WDR37: variants seen among roughly 807,000 people sequenced by gnomAD.
The protein encoded by WDR37 is WD repeat domain 37.
A neutral mutation model predicts 62.9 loss-of-function variants in WDR37; 19 were observed. That is an observed-to-expected ratio of 0.30 (90% CI 0.21 to 0.44). The LOEUF (loss-of-function observed/expected upper bound fraction) is 0.44, where lower values mean the gene tolerates loss of function less well. Among genes scored for constraint, WDR37 ranks in the 20% least tolerant of loss-of-function variants. The pLI is 1.00. For missense variants in WDR37, 474 were observed against 657.6 expected (o/e 0.72, Z 3.05); for synonymous variants, 250 against 260.9 (o/e 0.96, Z 0.40).
rs115704724 is a variant in WDR37 at position 1,084,762 on chromosome 10, T to C, written c.532+224T>C. 7.5e-3 allele frequency among the ~76,000 whole-genome samples: 1,135 copies of C among 152,290 alleles called. 20 individuals carry two copies. Among genetic ancestry groups the C allele is most frequent in the African/African-American group, 0.026 (1,070 of 41,556 alleles). Reference sequence around the variant, plus strand: ...AGGGTGTGCAGCTGCACCTTGCATTTTGTGGTCCCGTGGGTGGGTGTCCAG... The same window carrying C: ...AGGGTGTGCAGCTGCACCTTGCATTCTGTGGTCCCGTGGGTGGGTGTCCAG... On this transcript the variant is annotated intron_variant, in intron 6 of 13. Transcript: ENST00000263150.
At chr10:1,060,082 G>C (rs1833327222) in intron 1 of WDR37, among the ~76,000 whole-genome samples, 1 of 152,162 alleles carries the variant, frequency 6.6e-6, no homozygotes, top group Non-Finnish European at 1.5e-5. Flanking sequence ...CAGGTGATCC[G>C]CCTGCCTGGG....
chr10:1,106,099 C>G (rs1341715010), intron 11 of WDR37, among the ~76,000 whole-genome samples: 1 of 152,144 alleles, frequency 6.6e-6, no homozygotes, highest in Non-Finnish European at 1.5e-5. Context: ...AAGGTCTTAA[C>G]AGAACTCTTC....
At chr10:1,099,029 T>C (rs962994985) in intron 9 of WDR37, among the ~76,000 whole-genome samples, 3 of 152,244 alleles carry the variant, frequency 2.0e-5, no homozygotes, top group African/African-American at 7.2e-5. Flanking sequence ...CTAATGGCCT[T>C]TATGACATCA....
chr10:1,059,718 A>G (rs1168387597), intron 1 of WDR37, among the ~76,000 whole-genome samples: 1 of 151,778 alleles, frequency 6.6e-6, no homozygotes, highest in Non-Finnish European at 1.5e-5. Flanking sequence ...AATTGGTTGA[A>G]CCCGGGAGGT....
At chr10:1,117,760 G>A (rs899569519) in intron 11 of WDR37, among the ~76,000 whole-genome samples, 22 of 152,374 alleles carry the variant, frequency 1.4e-4, no homozygotes, top group Non-Finnish European at 4.4e-5. Context: ...GTTTGGAAAA[G>A]ATGGTGGTGA....
chr10:1,116,120 C>T (rs142274155), intron 11 of WDR37, among the ~76,000 whole-genome samples: 18 of 152,292 alleles, frequency 1.2e-4, no homozygotes, highest in Admixed American at 9.8e-4. Context: ...GCTCGTTGCA[C>T]GCACCAGGCA....
At chr10:1,063,489 T>A (rs760755211) in intron 1 of WDR37, among the ~76,000 whole-genome samples, 2 of 152,166 alleles carry the variant, frequency 1.3e-5, no homozygotes, top group Non-Finnish European at 2.9e-5. Context: ...AATCAGAGGC[T>A]GAGCAGGTAC....
At chr10:1,070,771 A>T (rs1833703895) in intron 1 of WDR37, among the ~76,000 whole-genome samples, 1 of 152,222 alleles carries the variant, frequency 6.6e-6, no homozygotes, top group African/African-American at 2.4e-5. Context: ...CTATGTGTAG[A>T]TAAACTTATT....
chr10:1,128,979 G>T (rs867905959), intron 13 of WDR37, among the ~76,000 whole-genome samples: 2 of 145,500 alleles, frequency 1.4e-5, no homozygotes, highest in Middle Eastern at 3.4e-3. Flanking sequence ...GGCAGTCCAT[G>T]ATCTGTGGCC....
chr10:1,101,042 G>A (rs780460296), intron 9 of WDR37, among the ~76,000 whole-genome samples: 1 of 152,152 alleles, frequency 6.6e-6, no homozygotes, highest in Non-Finnish European at 1.5e-5. Context: ...CCGTCTGAAC[G>A]CCTGTATTGT....
intron 1 of WDR37, among the ~76,000 whole-genome samples, chr10:1,060,019 A>G (rs1413502903): frequency 6.6e-6 from 1 of 152,068 alleles, no homozygotes; most frequent in Non-Finnish European, 1.5e-5. Context: ...TTTGTATTTT[A>G]GTAGAGACGG....
intron 11 of WDR37, among the ~76,000 whole-genome samples, chr10:1,116,656 C>A (rs937921222): frequency 6.6e-6 from 1 of 152,210 alleles, no homozygotes; most frequent in Non-Finnish European, 1.5e-5. Flanking sequence ...CCATCTGTCG[C>A]CCGTGACAGC....
intron 13 of WDR37, among the ~76,000 whole-genome samples, chr10:1,128,750 G>T (rs1176068804): frequency 6.6e-6 from 1 of 152,214 alleles, no homozygotes; most frequent in East Asian, 1.9e-4. Flanking sequence ...CGTGCTCACT[G>T]GTGTCTCGGC....
chr10:1,107,327 A>C (rs1835057641), intron 11 of WDR37, among the ~76,000 whole-genome samples: 1 of 152,172 alleles, frequency 6.6e-6, no homozygotes, highest in South Asian at 2.1e-4. Context: ...GGCCCGCATG[A>C]CTGCCCTGCT....
intron 8 of WDR37, among the ~76,000 whole-genome samples, chr10:1,094,736 A>G (rs1419467223): frequency 6.6e-6 from 1 of 152,192 alleles, no homozygotes; most frequent in Non-Finnish European, 1.5e-5. Context: ...ACATGAGGTA[A>G]TGGACATAGA....
At chr10:1,064,583 CTTTTTTTTTTTTTTTTTTT>C (rs71376884) in intron 1 of WDR37, among the ~76,000 whole-genome samples, 1 of 70,464 alleles carries the variant, frequency 1.4e-5, no homozygotes, top group African/African-American at 6.0e-5. Flanking sequence ...GACAATGGAT[CTTTTTTTTTTTTTTTTTTT>C]TTTTTTTTTT....
rs71376884 is a variant in WDR37, at chr10:1,064,583, CTTTTTTTTTTT to C, written c.-40-7513_-40-7503del. Among the ~76,000 whole-genome samples, 65 of 70,494 alleles carry C rather than the reference CTTTTTTTTTTT, an allele frequency of 9.2e-4. 1 individual carries two copies. The highest frequency in any genetic ancestry group is 0.011 in the Middle Eastern group (1 of 94). The allele number at this position is 70,494 out of a possible 152,430, so 46.2% of individuals were successfully genotyped here. On this transcript the variant is annotated intron_variant, in intron 1 of 13. Coordinates refer to ENST00000263150, the MANE Select transcript of WDR37 (RefSeq NM_014023.4). ...GGAAACAATTTGAGTGACAATGGAT[CTTTTTTTTTTT>C]TTTTTTTTTTTTTTTTTTTGAGATG...
chr10:1,084,411 C>T lies in WDR37; in HGVS notation c.405C>T (p.Ser135=). The T allele has an allele frequency of 6.2e-7, 1 of 1,612,268 alleles. No homozygotes were observed. Among genetic ancestry groups the T allele is most frequent in the Non-Finnish European group, 8.5e-7 (1 of 1,178,400 alleles). The part of the protein sequence containing the change: ...TYKASTSKIV[S]SFKTTTSRAA... ...CCCCATCTTGGTTTCAGATTGTCTC[C>T]AGCTTTAAGACCACGACATCGAGAG... is the stretch of plus-strand genomic sequence containing the variant. The change falls in exon 6 of 14, where the codon TCC becomes TCT. Residue 135 remains serine (S), a synonymous_variant. Coordinates refer to ENST00000263150, the MANE Select transcript of WDR37 (RefSeq NM_014023.4).
intron 11 of WDR37, among the ~76,000 whole-genome samples, chr10:1,109,316 T>C (rs922428093): frequency 6.6e-6 from 1 of 152,362 alleles, no homozygotes. Context: ...GAAAAGTTTT[T>C]GTATTTATAT....
Sources: allele counts gnomAD v4.1 joint callset (sites outside exome capture counted in the v4.1 genomes callset), GRCh38; gene constraint gnomAD v4.1.1; transcripts MANE v1.5; gene names NCBI Gene and HGNC (gene_info 2026-07-23, HGNC 2026-07-21).